Variants in CNKSR2 observed in about 807,000 individuals in gnomAD.
CNKSR2 encodes the protein CNK homolog protein 2.
CNKSR2 carries 14 observed loss-of-function variants against 84.4 expected under a neutral mutation model. The observed-to-expected ratio is 0.17, with a 90% confidence interval of 0.11 to 0.26. The LOEUF is 0.26. Among genes scored for constraint, CNKSR2 ranks in the 10% least tolerant of loss-of-function variants. The probability of loss-of-function intolerance (pLI) is 1.00; values close to 1 mark genes in which losing one functional copy is unlikely to be tolerated. For synonymous variants in CNKSR2, 275 were observed against 277.9 expected, an observed-to-expected ratio of 0.99 and a Z score of 0.10; for missense variants, 485 against 771.2, an observed-to-expected ratio of 0.63 and a Z score of 4.40.
intron 13 of CNKSR2, among the ~76,000 whole-genome samples, chrX:21,569,215 T>TATG (rs2092265106): frequency 9.0e-6 from 1 of 111,255 alleles, no homozygotes; most frequent in Non-Finnish European, 1.9e-5. Flanking sequence ...AGCAAGTTAT[T>TATG]ATTATTATTA....
chrX:21,478,624 G>A (rs143549752), intron 5 of CNKSR2, among the ~76,000 whole-genome samples: 4,433 of 111,321 alleles, frequency 0.04, 81 homozygotes, highest in African/African-American at 0.051. Context: ...CATTTTTGTT[G>A]GGGAGTCAAG....
chrX:21,547,448 A>G (rs1262894018), intron 11 of CNKSR2, among the ~76,000 whole-genome samples: 1 of 111,421 alleles, frequency 9.0e-6, no homozygotes, highest in Non-Finnish European at 1.9e-5. Flanking sequence ...AGTGACCTAC[A>G]AAGAGACTTA....
intron 5 of CNKSR2, among the ~76,000 whole-genome samples, chrX:21,482,079 G>A (rs755057808): frequency 9.0e-6 from 1 of 111,595 alleles, no homozygotes; most frequent in Non-Finnish European, 1.9e-5. Context: ...TTGTTACACA[G>A]CTATAGATAC....
chrX:21,452,600 A>G (rs1259898207), intron 4 of CNKSR2, among the ~76,000 whole-genome samples: 4 of 110,817 alleles, frequency 3.6e-5, no homozygotes, highest in Non-Finnish European at 7.5e-5. Flanking sequence ...ATTGTGAAGT[A>G]AAAGACTAGA....
At chrX:21,409,259 TA>T in intron 1 of CNKSR2, among the ~76,000 whole-genome samples, 1 of 85,711 alleles carries the variant, frequency 1.2e-5, no homozygotes, top group South Asian at 6.2e-4. Flanking sequence ...TATATATATA[TA>T]TATATATATA....
chrX:21,530,042 T>C (rs1937625365), intron 10 of CNKSR2, among the ~76,000 whole-genome samples: 1 of 110,776 alleles, frequency 9.0e-6, no homozygotes, highest in South Asian at 3.8e-4. Context: ...TGCCACAAAT[T>C]CGTTAAGGCT....
intron 13 of CNKSR2, among the ~76,000 whole-genome samples, chrX:21,576,235 T>C (rs2092318554): frequency 8.9e-6 from 1 of 112,494 alleles, no homozygotes; most frequent in South Asian, 3.7e-4. Flanking sequence ...TCTCTGATTA[T>C]AATGAAATCA....
Position 21,516,580 on chromosome X carries a change from C to T in CNKSR2, c.906C>T (p.Thr302=). ...TLKKRPQSML[T]SAPALLKNMR... is the part of the protein sequence containing the mutation. ...AAAAGCGACCTCAGAGCATGCTTAC[C>T]TCAGCACCAGCTTTACTGAAAAATA... is the stretch of plus-strand genomic sequence containing the variant. The change falls in exon 9 of 22, where the codon ACC becomes ACT. Residue 302 remains threonine, a synonymous_variant. Transcript: ENST00000379510. 1 of 1,209,180 alleles carries T rather than the reference C, an allele frequency of 8.3e-7. No homozygotes were observed. The highest frequency in any genetic ancestry group is 1.1e-6 in the Non-Finnish European group (1 of 893,842).
intron 13 of CNKSR2, among the ~76,000 whole-genome samples, chrX:21,564,525 G>A (rs1259979089): frequency 9.0e-6 from 1 of 111,600 alleles, no homozygotes; most frequent in Admixed American, 9.5e-5. Context: ...TTCTTATTAG[G>A]AGCCCTTGAA....
At chrX:21,608,311 G>A (rs2092529499) in intron 19 of CNKSR2, among the ~76,000 whole-genome samples, 1 of 111,310 alleles carries the variant, frequency 9.0e-6, no homozygotes, top group African/African-American at 3.3e-5. Context: ...CAGAGCTAGA[G>A]TAAGGCTTGT....
intron 20 of CNKSR2, among the ~76,000 whole-genome samples, chrX:21,624,119 A>G (rs1210401510): frequency 8.9e-6 from 1 of 112,220 alleles, no homozygotes; most frequent in South Asian, 3.6e-4. Flanking sequence ...GATATTAATC[A>G]GGAGCCCTAA....
chrX:21,584,939 C>T (rs920109250), intron 13 of CNKSR2, among the ~76,000 whole-genome samples: 1 of 110,582 alleles, frequency 9.0e-6, no homozygotes, highest in South Asian at 3.8e-4. Context: ...CACTCTGGCT[C>T]TTGTGCTAAA....
At chrX:21,642,387 A>G in intron 20 of CNKSR2, 1 of 753,125 alleles carries the variant, frequency 1.3e-6, no homozygotes, top group Non-Finnish European at 1.6e-6. Context: ...AAATATTTTG[A>G]ATCTATAGGC....
intron 1 of CNKSR2, among the ~76,000 whole-genome samples, chrX:21,421,565 T>C (rs2090497264): frequency 9.0e-6 from 1 of 111,503 alleles, no homozygotes; most frequent in Non-Finnish European, 1.9e-5. Context: ...TGAATAATGC[T>C]TTTATGAACA....
At chrX:21,610,353 C>G (rs1334632640) in intron 20 of CNKSR2, among the ~76,000 whole-genome samples, 2 of 112,158 alleles carry the variant, frequency 1.8e-5, no homozygotes, top group East Asian at 5.6e-4. Context: ...CTTTATTCAA[C>G]ATGCCATACC....
intron 11 of CNKSR2, among the ~76,000 whole-genome samples, chrX:21,550,325 A>G (rs1197411789): frequency 3.5e-5 from 4 of 112,741 alleles, no homozygotes; most frequent in Non-Finnish European, 5.6e-5. Flanking sequence ...AAAGCTCATC[A>G]TCACTGGTCA....
intron 1 of CNKSR2, among the ~76,000 whole-genome samples, chrX:21,417,711 A>G (rs1231968787): frequency 9.0e-6 from 1 of 111,655 alleles, no homozygotes. Flanking sequence ...TGATATGAGT[A>G]TAGCTACTCC....
chrX:21,377,101 T>C (rs1487864967), intron 1 of CNKSR2, among the ~76,000 whole-genome samples: 2 of 112,247 alleles, frequency 1.8e-5, no homozygotes, highest in Non-Finnish European at 3.8e-5. Flanking sequence ...TTAGAGCTAT[T>C]TGAAAAGATC....
intron 4 of CNKSR2, among the ~76,000 whole-genome samples, chrX:21,461,535 C>G (rs1430136392): frequency 9.0e-6 from 1 of 111,447 alleles, no homozygotes; most frequent in African/African-American, 3.3e-5. Flanking sequence ...AGCTTTTTAA[C>G]TTGATGTGAT....
Sources: allele counts gnomAD v4.1 joint callset (sites outside exome capture counted in the v4.1 genomes callset), GRCh38; gene constraint gnomAD v4.1.1; transcripts MANE v1.5; gene names NCBI Gene and HGNC (gene_info 2026-07-23, HGNC 2026-07-21).